The following RBFOX1 variants were observed in gnomAD, a reference collection of about 807,000 sequenced individuals.
RBFOX1 encodes the protein RNA binding fox-1 homolog 1, also known as RNA binding protein fox-1 homolog 1.
In RBFOX1, 8 loss-of-function variants were observed where a neutral mutation model predicts 57.7. That is an observed-to-expected ratio of 0.14 (90% CI 0.08 to 0.25). The LOEUF (loss-of-function observed/expected upper bound fraction) is 0.25. RBFOX1 is among the 10% of genes least tolerant of loss of function. The pLI, the probability that RBFOX1 is intolerant of heterozygous loss-of-function variation, is 1.00. For synonymous variants in RBFOX1, 326 were observed against 222.4 expected (o/e 1.47, Z -4.15); for missense variants, 611 against 548.5 (o/e 1.11, Z -1.14).
intron 7 of RBFOX1, among the ~76,000 whole-genome samples, chr16:7,589,719 T>G (rs2094334859): frequency 6.6e-6 from 1 of 152,012 alleles, no homozygotes; most frequent in Non-Finnish European, 1.5e-5. Context: ...AAGGGCCTTA[T>G]TTAGAGGAGC....
chr16:7,329,604 G>C (rs1347398323), intron 4 of RBFOX1, among the ~76,000 whole-genome samples: 1 of 152,156 alleles, frequency 6.6e-6, no homozygotes, highest in Admixed American at 6.5e-5. Context: ...TTTGAACGAG[G>C]ACGAAGTCAA....
At chr16:7,004,108 G>A (rs1477810863) in intron 3 of RBFOX1, 1 of 151,782 alleles carries the variant, frequency 6.6e-6, no homozygotes, top group African/African-American at 2.4e-5. Context: ...TGCCAATGTG[G>A]ACACTAGAAA....
intron 3 of RBFOX1, among the ~76,000 whole-genome samples, chr16:6,901,161 A>G (rs1367850465): frequency 6.6e-6 from 1 of 152,152 alleles, no homozygotes; most frequent in Non-Finnish European, 1.5e-5. Context: ...CATGTCTCCC[A>G]TCCTAGTGTC....
At chr16:5,366,129 G>GGACAA (rs1343043916) in intron 1 of RBFOX1, 1 of 445,300 alleles carries the variant, frequency 2.2e-6, no homozygotes, top group African/African-American at 2.0e-5. Flanking sequence ...GCATGCTAAT[G>GGACAA]GACAGCACTT....
chr16:5,940,490 C>T (rs1026854343), intron 4 of RBFOX1, among the ~76,000 whole-genome samples: 2 of 152,196 alleles, frequency 1.3e-5, no homozygotes, highest in Non-Finnish European at 2.9e-5. Flanking sequence ...GAATGTCAGA[C>T]TGAGCCCAGA....
chr16:7,495,374 G>C (rs1442636976), intron 4 of RBFOX1, among the ~76,000 whole-genome samples: 4 of 152,152 alleles, frequency 2.6e-5, no homozygotes, highest in African/African-American at 7.2e-5. Context: ...TCTGTTTTAA[G>C]TTCTTTGAGA....
intron 4 of RBFOX1, among the ~76,000 whole-genome samples, chr16:5,873,966 A>C (rs572056078): frequency 1.4e-4 from 21 of 152,346 alleles, no homozygotes; most frequent in Non-Finnish European, 1.8e-4. Flanking sequence ...GTGAAAAGTA[A>C]GTGTGGAAAC....
chr16:6,735,144 G>T (rs577793981), intron 3 of RBFOX1, among the ~76,000 whole-genome samples: 4 of 152,044 alleles, frequency 2.6e-5, no homozygotes, highest in African/African-American at 4.8e-5. Context: ...GTGAGACCCT[G>T]TCTCAACAAA....
intron 1 of RBFOX1, among the ~76,000 whole-genome samples, chr16:5,394,011 C>G (rs138111464): frequency 1.3e-5 from 2 of 152,024 alleles, no homozygotes. Context: ...CTTAGCATAG[C>G]CATTTCTTTT....
intron 2 of RBFOX1, among the ~76,000 whole-genome samples, chr16:6,335,769 C>A (rs2083559065): frequency 8.5e-6 from 1 of 117,088 alleles, no homozygotes; most frequent in African/African-American, 3.8e-5. Context: ...TACAGCAAGA[C>A]TGTCTCCAAA....
intron 1 of RBFOX1, among the ~76,000 whole-genome samples, chr16:5,335,170 C>T (rs184495865): frequency 6.6e-6 from 1 of 150,730 alleles, no homozygotes; most frequent in East Asian, 2.0e-4. Context: ...TTCCGAATTG[C>T]CAGTTCACCT....
At chr16:7,450,726 T>C (rs1202062682) in intron 4 of RBFOX1, among the ~76,000 whole-genome samples, 1 of 152,044 alleles carries the variant, frequency 6.6e-6, no homozygotes, top group Non-Finnish European at 1.5e-5. Flanking sequence ...TGGATGCTAA[T>C]GGTTAGGTCT....
At chr16:5,853,379 G>T (rs536041159) in intron 3 of RBFOX1, among the ~76,000 whole-genome samples, 1 of 152,196 alleles carries the variant, frequency 6.6e-6, no homozygotes, top group Admixed American at 6.5e-5. Context: ...CTTTGTGAGC[G>T]TGTTGGAGTC....
intron 4 of RBFOX1, among the ~76,000 whole-genome samples, chr16:7,358,935 C>G (rs1289385986): frequency 6.6e-6 from 1 of 152,080 alleles, no homozygotes; most frequent in Non-Finnish European, 1.5e-5. Context: ...AATTTCGGAT[C>G]CATAAAGTAA....
chr16:6,656,075 C>T (rs17665667), intron 3 of RBFOX1, among the ~76,000 whole-genome samples: 60,150 of 151,996 alleles, frequency 0.4, 13,059 homozygotes, highest in South Asian at 0.52. Flanking sequence ...TTTGCATTCA[C>T]CATGTGTTTG....
chr16:5,687,520 T>C (rs7189657), intron 3 of RBFOX1, among the ~76,000 whole-genome samples: 87,672 of 152,150 alleles, frequency 0.58, 28,844 homozygotes, highest in Non-Finnish European at 0.75. Flanking sequence ...AATGCTTTGA[T>C]ATCAATACAT....
chr16:6,226,131 G>T (rs1362263197), intron 1 of RBFOX1, among the ~76,000 whole-genome samples: 1 of 150,948 alleles, frequency 6.6e-6, no homozygotes, highest in Admixed American at 6.6e-5. Flanking sequence ...AGGCCGAGGT[G>T]GGAGGATCAC....
chr16:6,359,829 A>T (rs556003075), intron 2 of RBFOX1, among the ~76,000 whole-genome samples: 10 of 152,050 alleles, frequency 6.6e-5, no homozygotes, highest in East Asian at 1.9e-4. Flanking sequence ...TGGTGATATT[A>T]AAAAAAATGC....
intron 1 of RBFOX1, among the ~76,000 whole-genome samples, chr16:5,292,126 G>C (rs2063550372): frequency 6.6e-6 from 1 of 152,018 alleles, no homozygotes; most frequent in Non-Finnish European, 1.5e-5. Flanking sequence ...ATGCTATTAA[G>C]AAAGCATATT....
Sources: allele counts gnomAD v4.1 joint callset (sites outside exome capture counted in the v4.1 genomes callset), GRCh38; gene constraint gnomAD v4.1.1; transcripts MANE v1.5; gene names NCBI Gene and HGNC (gene_info 2026-07-23, HGNC 2026-07-21).